KIR3DL3: variants seen among roughly 807,000 people sequenced by gnomAD.
KIR3DL3 encodes killer cell immunoglobulin-like receptor 3DL3.
KIR3DL3 carries 27 observed loss-of-function variants against 34.9 expected under a neutral mutation model. The ratio of observed to expected loss-of-function variants is 0.77; its 90% CI spans 0.57 to 1.07. KIR3DL3 has a LOEUF of 1.07. Among genes scored for constraint, KIR3DL3 ranks in the 50% least tolerant of loss-of-function variants. The pLI is 0.00. For synonymous variants in KIR3DL3, 217 were observed against 200.2 expected (o/e 1.08, Z -0.71); for missense variants, 681 against 528.5 (o/e 1.29, Z -2.83).
rs2068573666 is a variant in KIR3DL3 at position 54,729,533 on chromosome 19, C to T, written c.696C>T (p.Pro232=). The change falls in exon 5 of 8, where the codon CCC becomes CCT. Residue 232 remains proline, a synonymous_variant. Coordinates refer to ENST00000291860, the MANE Select transcript of KIR3DL3 (RefSeq NM_153443.5). ...GKPSLSAQPG[P]TVQAGENVTL... ...CTTCTCTCTCAGCCCAGCCGGGCCCCACGGTTCAGGCAGGAGAGAATGTGA... is the reference window on the plus strand; with the variant it reads ...CTTCTCTCTCAGCCCAGCCGGGCCCTACGGTTCAGGCAGGAGAGAATGTGA... 3 of 1,606,780 alleles carry T rather than the reference C, an allele frequency of 1.9e-6. No homozygotes were observed. Among genetic ancestry groups the T allele is most frequent in the East Asian group, 2.3e-5 (1 of 44,412 alleles).
chr19:54,733,971 C>T (rs1388741561), intron 5 of KIR3DL3, among the ~76,000 whole-genome samples: 3 of 151,946 alleles, frequency 2.0e-5, no homozygotes, highest in Non-Finnish European at 2.9e-5. Flanking sequence ...AAACAATAAA[C>T]GACGGAGAGG....
chr19:54,728,945 G>C (rs373754902), intron 4 of KIR3DL3, among the ~76,000 whole-genome samples: 83 of 149,160 alleles, frequency 5.6e-4, no homozygotes, highest in African/African-American at 2.0e-3. Flanking sequence ...AGATGATATA[G>C]ATAGACAAGT....
At chr19:54,735,403 G>A (rs763002252) in intron 6 of KIR3DL3, 46 bp downstream of exon 6, 2 of 914,536 alleles carry the variant, frequency 2.2e-6, no homozygotes, top group Admixed American at 3.5e-5. Flanking sequence ...GCCATGTGGG[G>A]AAGCAGGATG....
At position 54,727,660 on chromosome 19, in the gene KIR3DL3, A is replaced by G; in HGVS notation, c.405A>G (p.Lys135=). The change falls in exon 4 of 8, where the codon AAA becomes AAG. Residue 135 remains lysine, a synonymous_variant. Transcript: ENST00000291860. ...SLLAHPGPLV[K]SGETVILQCW... is the part of the protein sequence containing the mutation. ...TGGCCCACCCAGGTCCCCTGGTGAAATCAGGAGAGACGGTCATCCTGCAAT... is the reference window on the plus strand; with the variant it reads ...TGGCCCACCCAGGTCCCCTGGTGAAGTCAGGAGAGACGGTCATCCTGCAAT... 6.2e-7 allele frequency: 1 copy of G among 1,611,578 alleles called. No individual in the cohort carries two copies. Among genetic ancestry groups the G allele is most frequent in the Non-Finnish European group, 8.5e-7 (1 of 1,179,310 alleles).
chr19:54,729,024 G>T, intron 4 of KIR3DL3, among the ~76,000 whole-genome samples: 1 of 148,726 alleles, frequency 6.7e-6, no homozygotes, highest in African/African-American at 2.5e-5. Context: ...CATGATGATA[G>T]ATGGATAGAT....
chr19:54,735,131 C>A, intron 5 of KIR3DL3, 122 bp from the exon 6 acceptor site: 1 of 789,232 alleles, frequency 1.3e-6, no homozygotes, highest in Non-Finnish European at 2.2e-6. Context: ...GGTCTCCCGC[C>A]ATCTGGGTGC....
At position 54,735,336 on chromosome 19, in the gene KIR3DL3, C is replaced by T. The variant is rs752780817; in HGVS notation, c.1033C>T (p.Arg345Cys). The change falls in exon 6 of 8, where the codon CGC becomes TGC. Residue 345 changes from arginine to cysteine, a missense_variant. Transcript: ENST00000291860. ...TATCCTCCTCTTCTTTCTCCTTCAT[C>T]GCTGGTGTGCCAACAAAAAGAGTAA... ...FAILLFFLLH[R>C]WCANKKNAVV... 21 of 1,425,582 alleles carry T rather than the reference C, an allele frequency of 1.5e-5. No homozygotes were observed. The highest frequency in any genetic ancestry group is 2.3e-5 in the South Asian group (2 of 86,134). The allele number at this position is 1,425,582 out of a possible 1,614,324, so 88.3% of individuals were successfully genotyped here.
Position 54,736,176 on chromosome 19 carries a change from T to A in KIR3DL3, c.*80T>A. On this transcript the variant is annotated 3_prime_UTR_variant, in exon 8 of 8. Coordinates refer to ENST00000291860, the MANE Select transcript of KIR3DL3 (RefSeq NM_153443.5). ...ACCACAGTCAGGCCTTGATGGGATC[T>A]TCTAGGGAGACAATAGCCCTGTCTC... The A allele has an allele frequency of 6.3e-7, 1 of 1,577,472 alleles. No individual in the cohort carries two copies. The highest frequency in any genetic ancestry group is 1.7e-5 in the Admixed American group (1 of 58,522).
At chr19:54,735,456 G>A in intron 6 of KIR3DL3, 99 bp downstream of exon 6, 1 of 652,692 alleles carries the variant, frequency 1.5e-6, no homozygotes, top group Non-Finnish European at 2.7e-6. Context: ...GATGGTCCCT[G>A]GCCCAAGGCA....
chr19:54,729,393 C>A, intron 4 of KIR3DL3, 100 bp from the exon 5 acceptor site: 1 of 1,215,298 alleles, frequency 8.2e-7, no homozygotes, highest in Non-Finnish European at 1.1e-6. Context: ...AGAAAGAGAG[C>A]ATTAAGTCAT....
chr19:54,727,711 C>T lies in KIR3DL3; in HGVS notation c.456C>T (p.Arg152=), dbSNP rs1600177333. The T allele has an allele frequency of 1.2e-6, 2 of 1,613,014 alleles. No individual in the cohort carries two copies. Among genetic ancestry groups the T allele is most frequent in the Non-Finnish European group, 1.7e-6 (2 of 1,179,768 alleles). ...GTTGGTCAGATGTCAGGTTTGAGCG[C>T]TTCCTTCTGCACAGAGAGGGGATCA... ...LQCWSDVRFE[R]FLLHREGITE... is the part of the protein sequence containing the mutation. Residue 152 remains arginine, a synonymous_variant, in exon 4 of 8, where the codon CGC becomes CGT. Coordinates refer to ENST00000291860, the MANE Select transcript of KIR3DL3 (RefSeq NM_153443.5).
rs2069341321 is a variant in KIR3DL3, at chr19:54,735,163, T to C, written c.950-90T>C. On this transcript the variant is annotated intron_variant, in intron 5 of 7. Transcript: ENST00000291860. ...GTGCTTGTCCTAAAGAGACGTTGTATGTGGTTACCTGTCAATCAAGAAATG... is the reference window on the plus strand; with the variant it reads ...GTGCTTGTCCTAAAGAGACGTTGTACGTGGTTACCTGTCAATCAAGAAATG... 22 of 1,027,110 alleles carry C rather than the reference T, an allele frequency of 2.1e-5. No individual in the cohort carries two copies. The South Asian group carries it at 2.6e-4, about 12-fold the overall frequency. The allele number at this position is 1,027,110 out of a possible 1,614,324, so 63.6% of individuals were successfully genotyped here. A position where few individuals can be genotyped will look rare whatever the true frequency, so the allele number is the denominator to read the frequency against.
Position 54,726,051 on chromosome 19 carries a change from A to AG in KIR3DL3, c.71dup, listed in dbSNP as rs2068125940. On this transcript the variant is annotated splice_acceptor_variant, in intron 2 of 7. Transcript: ENST00000291860. LOFTEE classifies it high-confidence loss of function. ...CTAAGGTGGTGCCTCCTTCTCCCCC[A>AG]GGTGGTCAGGACAAGCCCTTCCTCT... is the stretch of plus-strand genomic sequence containing the variant. 9 of 1,604,098 alleles carry AG rather than the reference A, an allele frequency of 5.6e-6. No homozygotes were observed. In the African/African-American group the frequency reaches 8.0e-5, roughly 14 times the overall value.
intron 5 of KIR3DL3, among the ~76,000 whole-genome samples, chr19:54,730,311 T>C (rs1411515530): frequency 6.7e-6 from 1 of 149,734 alleles, no homozygotes; most frequent in Non-Finnish European, 1.5e-5. Flanking sequence ...CCCAACACTT[T>C]GAGAGGCCAA....
chr19:54,729,667 AG>A lies in KIR3DL3; in HGVS notation c.832del (p.Ala278ProfsTer8), dbSNP rs1242585990. 6 of 1,600,806 alleles carry A rather than the reference AG, an allele frequency of 3.7e-6. No individual in the cohort carries two copies. The highest frequency in any genetic ancestry group is 4.2e-6 in the Non-Finnish European group (5 of 1,176,654). On this transcript the variant is annotated frameshift_variant, in exon 5 of 8. Coordinates refer to ENST00000291860, the MANE Select transcript of KIR3DL3 (RefSeq NM_153443.5). LOFTEE classifies it high-confidence loss of function. Reference protein sequence around the residue: ...TAVLRVNGTFQANFPLGPVTH... With the variant: ...TAVLRVNGTFXANFPLGPVTH... Reference sequence around the variant, plus strand: ...GTGCTGAGGGTCAATGGAACATTCCAGGCCAACTTCCCTCTGGGCCCTGTGA... The same window carrying A: ...GTGCTGAGGGTCAATGGAACATTCCAGCCAACTTCCCTCTGGGCCCTGTGA...
At chr19:54,732,114 T>C (rs1254413820) in intron 5 of KIR3DL3, among the ~76,000 whole-genome samples, 1 of 152,188 alleles carries the variant, frequency 6.6e-6, no homozygotes, top group Non-Finnish European at 1.5e-5. Context: ...ATTTGGCCTC[T>C]GCTCTTGGGA....
intron 5 of KIR3DL3, 135 bp downstream of exon 5, chr19:54,729,921 G>T: frequency 1.6e-6 from 1 of 624,296 alleles, no homozygotes. Flanking sequence ...GCGGGGTCAG[G>T]GCGCAGGATG....
intron 5 of KIR3DL3, 139 bp downstream of exon 5, chr19:54,729,925 C>G: frequency 1.8e-6 from 1 of 556,780 alleles, no homozygotes; most frequent in Non-Finnish European, 2.8e-6. Context: ...GGTCAGGGCG[C>G]AGGATGGCAG....
At chr19:54,734,443 A>G (rs1006240523) in intron 5 of KIR3DL3, among the ~76,000 whole-genome samples, 4 of 151,718 alleles carry the variant, frequency 2.6e-5, no homozygotes, top group African/African-American at 9.7e-5. Context: ...TGCTCGAGAC[A>G]TGTGGAGTCA....
Sources: allele counts gnomAD v4.1 joint callset (sites outside exome capture counted in the v4.1 genomes callset), GRCh38; gene constraint gnomAD v4.1.1; transcripts MANE v1.5; gene names NCBI Gene and HGNC (gene_info 2026-07-23, HGNC 2026-07-21).